TUBGCP3: variants seen among roughly 807,000 people sequenced by gnomAD.
TUBGCP3 encodes gamma-tubulin complex component 3.
A neutral mutation model predicts 123.1 loss-of-function variants in TUBGCP3; 50 were observed. That is an observed-to-expected ratio of 0.41 (90% CI 0.32 to 0.51). TUBGCP3 has a LOEUF of 0.51. Ranked by LOEUF, TUBGCP3 falls within the 20% of genes least tolerant of loss-of-function variation. TUBGCP3 has a pLI of 0.36. For synonymous variants in TUBGCP3, 405 were observed against 413.9 expected (o/e 0.98, Z 0.26); for missense variants, 882 against 1,127.0 (o/e 0.78, Z 3.11).
intron 14 of TUBGCP3, among the ~76,000 whole-genome samples, chr13:112,522,023 T>C (rs1450182464): frequency 6.6e-6 from 1 of 152,230 alleles, no homozygotes; most frequent in Non-Finnish European, 1.5e-5. Flanking sequence ...TAAAGTTAAG[T>C]GTGATTTGAC....
chr13:112,599,196 T>C, the TUBGCP3 span, among the ~76,000 whole-genome samples: 1 of 152,164 alleles, frequency 6.6e-6, no homozygotes, highest in Non-Finnish European at 1.5e-5. Context: ...GGTAATAACT[T>C]TGATCACCTG....
chr13:112,517,258 T>C (rs1876212064), intron 16 of TUBGCP3, among the ~76,000 whole-genome samples: 1 of 152,194 alleles, frequency 6.6e-6, no homozygotes, highest in South Asian at 2.1e-4. Context: ...CCTCGAGTGA[T>C]AGATTTGCCT....
At chr13:112,490,970 A>AT (rs923245609) in intron 20 of TUBGCP3, among the ~76,000 whole-genome samples, 4 of 151,990 alleles carry the variant, frequency 2.6e-5, no homozygotes, top group South Asian at 2.1e-4. Context: ...CTTCAAGTAG[A>AT]TTTTTTTCCA....
chr13:112,596,995 A>C, the TUBGCP3 span, among the ~76,000 whole-genome samples: 1 of 152,250 alleles, frequency 6.6e-6, no homozygotes, highest in African/African-American at 2.4e-5. Context: ...ATAAGAACAT[A>C]TAGAAGGATG....
At chr13:112,493,298 C>A (rs1241310614) in intron 20 of TUBGCP3, among the ~76,000 whole-genome samples, 1 of 150,558 alleles carries the variant, frequency 6.6e-6, no homozygotes, top group African/African-American at 2.5e-5. Flanking sequence ...GCCTGGTGTC[C>A]CTGAAACGCT....
At chr13:112,537,127 CTTTTTTTTTTT>C (rs58140098) in intron 11 of TUBGCP3, among the ~76,000 whole-genome samples, 1 of 78,128 alleles carries the variant, frequency 1.3e-5, no homozygotes, top group Non-Finnish European at 2.7e-5. Flanking sequence ...TACCTTTTTC[CTTTTTTTTTTT>C]TTTTTTTTTT....
intron 11 of TUBGCP3, among the ~76,000 whole-genome samples, chr13:112,528,310 T>C (rs1306515727): frequency 6.6e-6 from 1 of 152,252 alleles, no homozygotes; most frequent in East Asian, 1.9e-4. Flanking sequence ...AAGTAGCTTT[T>C]AGTTTTTATA....
intron 11 of TUBGCP3, among the ~76,000 whole-genome samples, chr13:112,535,287 T>G (rs1877950910): frequency 6.6e-6 from 1 of 152,242 alleles, no homozygotes; most frequent in Non-Finnish European, 1.5e-5. Context: ...CGTGTTTTCA[T>G]TTCTTTGGGT....
In TUBGCP3 at chr13:112,511,575, CCACA is replaced by C. The variant is rs1881675995; in HGVS notation, c.2086+4861_2086+4864del. On this transcript the variant is annotated intron_variant, in intron 17 of 21. Transcript: ENST00000261965. This position sits in a 1 kb window ranked among gnomAD's most constrained non-coding sequence, Gnocchi z 4.1. Reference sequence around the variant, plus strand: ...GGGGCCAGGTTTACGCAGCTGCAGGCCACAGGAGCCTGCAGCTCCACAGACTTTA... The same window carrying C: ...GGGGCCAGGTTTACGCAGCTGCAGGCGGAGCCTGCAGCTCCACAGACTTTA... Among the ~76,000 whole-genome samples, 1 of 151,946 alleles carries C rather than the reference CCACA, an allele frequency of 6.6e-6. No homozygotes were observed. Among genetic ancestry groups the C allele is most frequent in the Non-Finnish European group, 1.5e-5 (1 of 67,996 alleles).
chr13:112,501,839 A>G (rs910050405), intron 19 of TUBGCP3, among the ~76,000 whole-genome samples: 14 of 152,204 alleles, frequency 9.2e-5, no homozygotes, highest in African/African-American at 2.9e-4. Context: ...TCACAAGGGC[A>G]CTGTGCTACA....
intron 20 of TUBGCP3, among the ~76,000 whole-genome samples, chr13:112,493,399 G>A (rs1250058739): frequency 8.8e-4 from 107 of 122,246 alleles, no homozygotes; most frequent in Admixed American, 3.6e-3. Flanking sequence ...CTATGGGAAC[G>A]TGGCCTGGTG....
In TUBGCP3 at chr13:112,519,990, A is replaced by G; in HGVS notation, c.1777T>C (p.Tyr593His). Residue 593 changes from tyrosine to histidine, a missense_variant, in exon 15 of 22, where the codon TAT becomes CAT. By Grantham distance (83) the Tyr-to-His change is moderately conservative (BLOSUM62 2). Coordinates refer to ENST00000261965, the MANE Select transcript of TUBGCP3 (RefSeq NM_006322.6). This position sits in a 1 kb window ranked among gnomAD's most constrained non-coding sequence, Gnocchi z 6.2. Reference sequence around the variant, plus strand: ...AGAATTCCAGTCAAGTTATGCTGATACAAAGTCGTAGCTGGACGGACAAGT... The same window carrying G: ...AGAATTCCAGTCAAGTTATGCTGATGCAAAGTCGTAGCTGGACGGACAAGT... ...PELVRPATTL[Y>H]QHNLTGILET... The G allele has an allele frequency of 6.2e-7, 1 of 1,614,036 alleles. No homozygotes were observed. The highest frequency in any genetic ancestry group is 8.5e-7 in the Non-Finnish European group (1 of 1,179,872).
In TUBGCP3 at chr13:112,520,017, C is replaced by A; in HGVS notation, c.1750G>T (p.Glu584Ter). 6.2e-7 allele frequency: 1 copy of A among 1,605,032 alleles called. No homozygotes were observed. The highest frequency in any genetic ancestry group is 1.1e-5 in the South Asian group (1 of 88,430). ...AAAGTCGTAGCTGGACGGACAAGTT[C>A]TGGTCTTAACAAATTTTTTAAAAAT... Reference protein sequence around the residue: ...IRHLMDLLKPELVRPATTLYQ... With the variant: ...IRHLMDLLKP Residue 584 changes from glutamate to a stop codon, truncating the protein, a stop_gained, in exon 15 of 22, where the codon GAA becomes TAA. Transcript: ENST00000261965. LOFTEE classifies it high-confidence loss of function.
At chr13:112,548,214 T>C (rs756486017) in intron 8 of TUBGCP3, 38 bp from the exon 9 acceptor site, 1 of 1,496,600 alleles carries the variant, frequency 6.7e-7, no homozygotes, top group Non-Finnish European at 9.2e-7. Flanking sequence ...CACGACACAC[T>C]CATTACACAT....
chr13:112,601,722 A>G, the TUBGCP3 span, among the ~76,000 whole-genome samples: 1 of 152,024 alleles, frequency 6.6e-6, no homozygotes, highest in South Asian at 2.1e-4. Context: ...GGCCTATACA[A>G]CCTTCTCAAA....
At chr13:112,574,763 T>C (rs1881680099) in intron 1 of TUBGCP3, among the ~76,000 whole-genome samples, 1 of 152,224 alleles carries the variant, frequency 6.6e-6, no homozygotes, top group Non-Finnish European at 1.5e-5. Context: ...ATGAAACTGA[T>C]GAATCAAAGG....
intron 11 of TUBGCP3, among the ~76,000 whole-genome samples, chr13:112,533,804 T>C (rs1338211835): frequency 3.4e-5 from 5 of 145,552 alleles, no homozygotes; most frequent in African/African-American, 1.4e-4. Flanking sequence ...AATTTCTTTT[T>C]TTTTTTTTTT....
Position 112,512,472 on chromosome 13 carries a change from G to A in TUBGCP3, c.2086+3968C>T, listed in dbSNP as rs1358748726. Among the ~76,000 whole-genome samples, 7 of 142,574 alleles carry A rather than the reference G, an allele frequency of 4.9e-5. No individual in the cohort carries two copies. The East Asian group carries it at 6.6e-4, about 13-fold the overall frequency. 93.5% of individuals were successfully genotyped at this position (142,574 alleles called of 152,430 possible). On this transcript the variant is annotated intron_variant, in intron 17 of 21. Transcript: ENST00000261965. ...AAAAGGCCCAGACACAGTGGCTCAC[G>A]CCTGTAATCCCAGCACTGGGGGAGG...
intron 8 of TUBGCP3, among the ~76,000 whole-genome samples, chr13:112,549,854 T>C (rs921184915): frequency 4.6e-5 from 7 of 151,728 alleles, no homozygotes; most frequent in African/African-American, 1.7e-4. Context: ...GCCGGGCGTG[T>C]TGGCGGGTGC....
Sources: allele counts gnomAD v4.1 joint callset (sites outside exome capture counted in the v4.1 genomes callset), GRCh38; gene constraint gnomAD v4.1.1; non-coding constraint Gnocchi (gnomAD v3.1); transcripts MANE v1.5; gene names NCBI Gene and HGNC (gene_info 2026-07-23, HGNC 2026-07-21).